Variants in DNAH8 observed in about 807,000 individuals in gnomAD.
The protein encoded by DNAH8 is dynein axonemal heavy chain 8, also known as axonemal beta dynein heavy chain 8.
DNAH8 carries 382 observed loss-of-function variants against 562.1 expected under a neutral mutation model. That is an observed-to-expected ratio of 0.68 (90% confidence interval 0.63 to 0.74). The LOEUF (loss-of-function observed/expected upper bound fraction) is 0.74, where lower values mean the gene tolerates loss of function less well. DNAH8 is among the 30% of genes least tolerant of loss of function. DNAH8 has a pLI of 0.00. For synonymous variants in DNAH8, 1,881 were observed against 1,919.4 expected, an observed-to-expected ratio of 0.98 and a Z score of 0.52; for missense variants, 5,203 against 5,620.4, an observed-to-expected ratio of 0.93 and a Z score of 2.37.
chr6:38,925,973 T>C lies in DNAH8; in HGVS notation c.10963-82T>C, dbSNP rs1782082945. 3 of 1,261,716 alleles carry C rather than the reference T, an allele frequency of 2.4e-6. No individual in the cohort carries two copies. The South Asian group carries it at 6.7e-5, about 28-fold the overall frequency. 78.2% of individuals were successfully genotyped at this position (1,261,716 alleles called of 1,614,324 possible). On this transcript the variant is annotated intron_variant, in intron 73 of 92. Coordinates refer to ENST00000327475, the MANE Select transcript of DNAH8 (RefSeq NM_001206927.2). ...AAAATAATGTCCACATTTTAAATTA[T>C]TTTACTTTACAGTACTTTTAATTAC... is the stretch of plus-strand genomic sequence containing the variant.
Position 39,028,303 on chromosome 6 carries a change from A to G in DNAH8, c.13836+1636A>G, listed in dbSNP as rs183085608. Among the ~76,000 whole-genome samples the G allele has an allele frequency of 4.5e-3, 678 of 152,330 alleles. 3 individuals are homozygous for G. The highest frequency in any genetic ancestry group is 9.4e-3 in the Admixed American group (144 of 15,308). On this transcript the variant is annotated intron_variant, in intron 92 of 92. Coordinates refer to ENST00000327475, the MANE Select transcript of DNAH8 (RefSeq NM_001206927.2). ...ATTACCTTGGGTGGCTAAAAACAAC[A>G]GAGATCTATTCTCTCATTGCTTAGG...
chr6:38,843,284 A>G (rs1365629573), intron 35 of DNAH8, among the ~76,000 whole-genome samples: 1 of 151,484 alleles, frequency 6.6e-6, no homozygotes, highest in African/African-American at 2.4e-5. Flanking sequence ...AAGTTTTTAG[A>G]ATTTTCTATT....
At chr6:38,858,498 T>C in intron 42 of DNAH8, among the ~76,000 whole-genome samples, 1 of 152,322 alleles carries the variant, frequency 6.6e-6, no homozygotes, top group Non-Finnish European at 1.5e-5. Flanking sequence ...AGTCAGTCCG[T>C]CCATCCCCCT....
At chr6:38,761,325 T>G (rs2127608114) in intron 10 of DNAH8, among the ~76,000 whole-genome samples, 1 of 142,074 alleles carries the variant, frequency 7.0e-6, no homozygotes, top group Admixed American at 7.4e-5. Flanking sequence ...GTGTTCTCAT[T>G]GTTCAGTTCC....
chr6:38,898,989 C>T (rs1309387975), intron 61 of DNAH8, among the ~76,000 whole-genome samples: 1 of 152,182 alleles, frequency 6.6e-6, no homozygotes. Context: ...TTAAAATATA[C>T]TGATAGAATT....
Position 38,723,145 on chromosome 6 carries a change from C to A in DNAH8, c.336C>A (p.Tyr112Ter). 2 of 1,612,664 alleles carry A rather than the reference C, an allele frequency of 1.2e-6. No homozygotes were observed. The highest frequency in any genetic ancestry group is 2.2e-5 in the South Asian group (2 of 91,084). ...SLPSSRRSSR[Y>*]RRSMSGLPNL... is the part of the protein sequence containing the mutation. ...CGTCTTCCCGGAGGTCCTCCAGATA[C>A]CGCCGGAGTATGAGTGGCCTTCCCA... Residue 112 changes from tyrosine to a stop codon, truncating the protein, a stop_gained, in exon 2 of 93, where the codon TAC (tyrosine) becomes TAA (stop). Transcript: ENST00000327475. LOFTEE classifies it high-confidence loss of function.
intron 57 of DNAH8, among the ~76,000 whole-genome samples, chr6:38,888,964 A>C (rs975869749): frequency 2.6e-5 from 4 of 152,182 alleles, no homozygotes; most frequent in African/African-American, 9.6e-5. Context: ...GACATCATAC[A>C]AGTATTCTTT....
At chr6:38,761,081 GTATTT>G (rs1766453674) in intron 10 of DNAH8, among the ~76,000 whole-genome samples, 1 of 143,292 alleles carries the variant, frequency 7.0e-6, no homozygotes, top group African/African-American at 2.6e-5. Context: ...TTTTTGGATT[GTATTT>G]TATTTATTTA....
chr6:38,993,369 T>G (rs1024995996), intron 88 of DNAH8, among the ~76,000 whole-genome samples: 4 of 152,212 alleles, frequency 2.6e-5, no homozygotes, highest in Non-Finnish European at 5.9e-5. Flanking sequence ...TAATGATTTT[T>G]TTTTCTGTGT....
At chr6:38,966,019 A>T (rs1351866034) in intron 82 of DNAH8, among the ~76,000 whole-genome samples, 2 of 152,222 alleles carry the variant, frequency 1.3e-5, no homozygotes, top group Non-Finnish European at 2.9e-5. Flanking sequence ...ATGCGAGCAA[A>T]AAAAGCCAGA....
chr6:38,914,165 C>A (rs1781116121), intron 67 of DNAH8, among the ~76,000 whole-genome samples: 1 of 152,072 alleles, frequency 6.6e-6, no homozygotes, highest in African/African-American at 2.4e-5. Context: ...ACTATTATTT[C>A]TTCTCTCACT....
At chr6:38,734,736 C>A in intron 5 of DNAH8, 111 bp downstream of exon 5, 1 of 1,177,598 alleles carries the variant, frequency 8.5e-7, no homozygotes, top group Non-Finnish European at 1.2e-6. Flanking sequence ...GAATTGAGTT[C>A]CAAGAAAATA....
chr6:38,835,480 A>T (rs1290741560), intron 32 of DNAH8, among the ~76,000 whole-genome samples: 1 of 152,218 alleles, frequency 6.6e-6, no homozygotes, highest in East Asian at 1.9e-4. Flanking sequence ...GGTATGTGAA[A>T]TTGTGTAATG....
rs1774913948 is a variant in DNAH8 at position 38,842,676 on chromosome 6, C to T, written c.4618C>T (p.Pro1540Ser). ...TCTTTCTGAAAGATGTCGTAAACTT[C>T]CAAAAGGACTTAAAGATTGGCAAGC... Reference protein sequence around the residue: ...LEFQNRCRKLPKGLKDWQAFL... With the variant: ...LEFQNRCRKLSKGLKDWQAFL... Residue 1540 changes from proline to serine, a missense_variant, in exon 35 of 93, where the codon CCA becomes TCA. By Grantham distance (74) the Pro-to-Ser change is moderately conservative. Transcript: ENST00000327475. 3 of 1,611,576 alleles carry T rather than the reference C, an allele frequency of 1.9e-6. No individual in the cohort carries two copies. In the East Asian group the frequency reaches 6.7e-5, roughly 36 times the overall value.
intron 59 of DNAH8, among the ~76,000 whole-genome samples, chr6:38,895,362 C>T (rs16891230): frequency 0.017 from 2,537 of 152,190 alleles, 70 homozygotes; most frequent in African/African-American, 0.057. Context: ...AATGCTCTGC[C>T]GATTTATTCC....
intron 82 of DNAH8, among the ~76,000 whole-genome samples, chr6:38,969,314 A>G (rs894617136): frequency 6.6e-6 from 1 of 152,216 alleles, no homozygotes; most frequent in Non-Finnish European, 1.5e-5. Context: ...TCAGAAATAT[A>G]TATTTATTGA....
chr6:38,924,025 C>T lies in DNAH8; in HGVS notation c.10825C>T (p.Leu3609Phe). Reference protein sequence around the residue: ...VGDILLCTGFLSYLGPFNQIF... With the variant: ...VGDILLCTGFFSYLGPFNQIF... ...TGATATTCTGCTGTGCACGGGATTC[C>T]TTTCCTACCTTGGTCCTTTCAATCA... The change falls in exon 73 of 93, where the codon CTT becomes TTT. Residue 3609 changes from leucine to phenylalanine, a missense_variant. Around this residue, in one of 6 missense-constraint regions of DNAH8, gnomAD observed 1,399 missense variants for 1,518.4 expected, o/e 0.92. Coordinates refer to ENST00000327475, the MANE Select transcript of DNAH8 (RefSeq NM_001206927.2). The T allele has an allele frequency of 1.2e-6, 2 of 1,614,004 alleles. No homozygotes were observed. Among genetic ancestry groups the T allele is most frequent in the South Asian group, 1.1e-5 (1 of 91,072 alleles).
At chr6:38,967,552 ATACT>A (rs2150680283) in intron 82 of DNAH8, among the ~76,000 whole-genome samples, 1 of 152,254 alleles carries the variant, frequency 6.6e-6, no homozygotes, top group East Asian at 1.9e-4. Context: ...TAAAAATAAA[ATACT>A]TAGGAATAAA....
intron 88 of DNAH8, 145 bp from the exon 89 acceptor site, chr6:39,008,669 G>C (rs1486427435): frequency 1.9e-6 from 1 of 520,022 alleles, no homozygotes; most frequent in African/African-American, 1.9e-5. Context: ...CATTCCTCTA[G>C]GTTGATGGTA....
Sources: gnomAD v4.1 joint callset for allele counts (sites outside exome capture counted in the v4.1 genomes callset) on GRCh38, gnomAD v4.1.1 for gene constraint, gnomAD v4.1.1 regional missense constraint, MANE v1.5 for transcripts, NCBI Gene and HGNC (gene_info 2026-07-23, HGNC 2026-07-21) for gene names.